Variants in NLGN1 observed in about 807,000 individuals in gnomAD.
The protein encoded by NLGN1 is neuroligin 1, also known as neuroligin-1.
In NLGN1, 12 loss-of-function variants were observed where a neutral mutation model predicts 65.5. The observed-to-expected ratio is 0.18, with a 90% confidence interval of 0.12 to 0.30. The LOEUF is 0.30. Ranked by LOEUF, NLGN1 falls within the 10% of genes least tolerant of loss-of-function variation. The pLI is 1.00. For missense variants in NLGN1, 750 were observed against 1,007.1 expected (o/e 0.74, Z 3.46); for synonymous variants, 350 against 359.5 (o/e 0.97, Z 0.30).
intron 4 of NLGN1, among the ~76,000 whole-genome samples, chr3:174,159,268 G>A (rs910172371): frequency 5.9e-5 from 9 of 151,498 alleles, no homozygotes; most frequent in African/African-American, 1.2e-4. Flanking sequence ...ATATCTATAC[G>A]TCTGTAACTA....
At chr3:173,581,802 C>A (rs1313983849) in intron 2 of NLGN1, among the ~76,000 whole-genome samples, 1 of 151,762 alleles carries the variant, frequency 6.6e-6, no homozygotes, top group African/African-American at 2.4e-5. Flanking sequence ...ATAATGTAGT[C>A]TAAATCTTTA....
chr3:173,576,762 C>A (rs1745560647), intron 2 of NLGN1, among the ~76,000 whole-genome samples: 1 of 152,088 alleles, frequency 6.6e-6, no homozygotes, highest in Admixed American at 6.6e-5. Flanking sequence ...GTGGCATATG[C>A]ACAGATTCCA....
At position 173,809,947 on chromosome 3, in the gene NLGN1, A is replaced by G. The variant is rs940465053; in HGVS notation, c.646+2115A>G. ...TTCTGGCTCTACTGTACCCTAGAAT[A>G]TAACATTTAGTTGTCTCCTCTCCTT... On this transcript the variant is annotated intron_variant, in intron 4 of 6. Coordinates refer to ENST00000457714, the Ensembl canonical transcript of NLGN1. Among the ~76,000 whole-genome samples, 15 of 152,192 alleles carry G rather than the reference A, an allele frequency of 9.9e-5. No homozygotes were observed. The East Asian group carries it at 2.9e-3, about 29-fold the overall frequency.
intron 4 of NLGN1, among the ~76,000 whole-genome samples, chr3:174,146,563 C>T (rs1409114796): frequency 2.0e-5 from 3 of 151,332 alleles, no homozygotes; most frequent in Non-Finnish European, 1.5e-5. Flanking sequence ...AAATATCTGA[C>T]ATGAATCTTT....
chr3:174,255,481 T>TTTG (rs1286180989), intron 4 of NLGN1, among the ~76,000 whole-genome samples: 1 of 146,910 alleles, frequency 6.8e-6, no homozygotes, highest in Non-Finnish European at 1.5e-5. Flanking sequence ...GCAGTGGTAC[T>TTTG]TTGCAGAGAG....
intron 2 of NLGN1, among the ~76,000 whole-genome samples, chr3:173,577,515 A>G (rs1407426121): frequency 6.6e-6 from 1 of 152,122 alleles, no homozygotes. Flanking sequence ...CAAATCCACC[A>G]TTTGTTAGCT....
intron 2 of NLGN1, among the ~76,000 whole-genome samples, chr3:173,450,915 G>C (rs915718199): frequency 1.3e-5 from 2 of 152,100 alleles, no homozygotes; most frequent in Non-Finnish European, 2.9e-5. Context: ...AGCTCCATCA[G>C]GTCCCTTAAA....
chr3:173,528,055 G>C (rs1348366840), intron 2 of NLGN1, among the ~76,000 whole-genome samples: 1 of 152,148 alleles, frequency 6.6e-6, no homozygotes, highest in Non-Finnish European at 1.5e-5. Flanking sequence ...TCTTCTATGA[G>C]CTTTGTACTT....
intron 4 of NLGN1, among the ~76,000 whole-genome samples, chr3:174,240,199 A>T (rs1194968324): frequency 1.3e-5 from 2 of 152,188 alleles, no homozygotes; most frequent in South Asian, 4.1e-4. Flanking sequence ...AATACAATAG[A>T]AAACTGATTC....
exon 6 of NLGN1, chr3:174,278,952 C>T (rs111443880): frequency 6.5e-7 from 1 of 1,540,960 alleles, no homozygotes. Context: ...GAATGTTGGC[C>T]ACAAAAGTTG....
chr3:174,224,757 G>A (rs1231622576), intron 4 of NLGN1, among the ~76,000 whole-genome samples: 2 of 152,142 alleles, frequency 1.3e-5, no homozygotes, highest in Non-Finnish European at 2.9e-5. Context: ...TTCCTGCTAG[G>A]AGGTGCATCA....
intron 4 of NLGN1, among the ~76,000 whole-genome samples, chr3:174,021,025 A>T (rs1055048689): frequency 1.3e-5 from 2 of 152,016 alleles, no homozygotes; most frequent in African/African-American, 2.4e-5. Context: ...GCCACTGAGT[A>T]TATCTCTTTA....
chr3:174,272,657 GGATGGATGGATAGATAGATAGATAGATA>G (rs1456944263), intron 4 of NLGN1, among the ~76,000 whole-genome samples: 5 of 120,022 alleles, frequency 4.2e-5, no homozygotes, highest in Admixed American at 8.4e-5. Flanking sequence ...ATGGATGGAT[GGATGGATGGATAGATAGATAGATAGATA>G]GATAGATAGA....
At chr3:173,549,686 A>T (rs1017476945) in intron 2 of NLGN1, among the ~76,000 whole-genome samples, 3 of 152,080 alleles carry the variant, frequency 2.0e-5, no homozygotes, top group East Asian at 1.9e-4. Context: ...TGTTTGAAGC[A>T]GTTTTTTATA....
In NLGN1 at chr3:173,583,310, T is replaced by C. The variant is rs536652221; in HGVS notation, c.-320-20969T>C. Among the ~76,000 whole-genome samples, 4 of 152,368 alleles carry C rather than the reference T, an allele frequency of 2.6e-5. No homozygotes were observed. In the South Asian group the frequency reaches 8.3e-4, roughly 32 times the overall value. On this transcript the variant is annotated intron_variant, in intron 2 of 6. Coordinates refer to ENST00000457714, the Ensembl canonical transcript of NLGN1. ...TTAATAATTACATTACTTCTATAGA[T>C]TAATTTACCATATTGATTCTCCCAT...
chr3:174,237,302 A>C (rs1486898238), intron 4 of NLGN1, among the ~76,000 whole-genome samples: 1 of 152,146 alleles, frequency 6.6e-6, no homozygotes, highest in Admixed American at 6.5e-5. Flanking sequence ...TTCCAATATT[A>C]CATTTTGTTT....
chr3:173,756,522 A>T (rs138031074), intron 3 of NLGN1, among the ~76,000 whole-genome samples: 1 of 151,802 alleles, frequency 6.6e-6, no homozygotes, highest in Non-Finnish European at 1.5e-5. Flanking sequence ...ATATATATGC[A>T]ATATGTGTGT....
At chr3:174,024,141 TAAAAAA>T (rs34508881) in intron 4 of NLGN1, among the ~76,000 whole-genome samples, 3 of 86,038 alleles carry the variant, frequency 3.5e-5, no homozygotes, top group Non-Finnish European at 4.5e-5. Context: ...AGAGTCCTAT[TAAAAAA>T]AAAAAAAAAA....
chr3:173,620,448 G>A (rs568858780), intron 3 of NLGN1, among the ~76,000 whole-genome samples: 24 of 152,134 alleles, frequency 1.6e-4, no homozygotes, highest in Non-Finnish European at 3.1e-4. Context: ...TGTCTAATGT[G>A]GTTTCTTCAC....
Sources: allele counts gnomAD v4.1 joint callset (sites outside exome capture counted in the v4.1 genomes callset), GRCh38; gene constraint gnomAD v4.1.1; transcripts MANE v1.5; gene names NCBI Gene and HGNC (gene_info 2026-07-23, HGNC 2026-07-21).